The following NFKB1 variants were observed in gnomAD, a reference collection of about 807,000 sequenced individuals.
The protein encoded by NFKB1 is nuclear factor NF-kappa-B p105 subunit.
NFKB1 carries 9 observed loss-of-function variants against 105.1 expected under a neutral mutation model. That is an observed-to-expected ratio of 0.09 (90% confidence interval 0.05 to 0.15). The LOEUF is 0.15. Ranked by LOEUF, NFKB1 falls within the 10% of genes least tolerant of loss-of-function variation. NFKB1 has a pLI of 1.00. For synonymous variants in NFKB1, 440 were observed against 442.2 expected (o/e 1.00, Z 0.06); for missense variants, 830 against 1,203.7 (o/e 0.69, Z 4.59).
intron 11 of NFKB1, among the ~76,000 whole-genome samples, chr4:102,585,048 ATT>A (rs78130855): frequency 5.6e-5 from 8 of 143,580 alleles, no homozygotes; most frequent in Admixed American, 7.0e-5. Context: ...TGCCGGGCTA[ATT>A]TTTTTTTTTT....
intron 1 of NFKB1, chr4:102,502,172 G>A (rs1422436028): frequency 1.3e-5 from 2 of 152,572 alleles, no homozygotes; most frequent in African/African-American, 4.8e-5. Context: ...AGAGAGGGAA[G>A]GTGGTTGGTG....
intron 5 of NFKB1, among the ~76,000 whole-genome samples, chr4:102,553,993 T>G (rs1722803763): frequency 6.6e-6 from 1 of 152,232 alleles, no homozygotes; most frequent in Non-Finnish European, 1.5e-5. Flanking sequence ...TAAGGTTCTT[T>G]CCAACTCAGA....
At chr4:102,538,853 G>A (rs1056170534) in intron 5 of NFKB1, among the ~76,000 whole-genome samples, 1 of 152,040 alleles carries the variant, frequency 6.6e-6, no homozygotes, top group Non-Finnish European at 1.5e-5. Flanking sequence ...TGCCCCTCAG[G>A]GTGTAACATA....
chr4:102,528,594 GTC>G (rs1741080428), intron 2 of NFKB1, among the ~76,000 whole-genome samples: 1 of 152,090 alleles, frequency 6.6e-6, no homozygotes, highest in Non-Finnish European at 1.5e-5. Flanking sequence ...ACACTTACTA[GTC>G]TCTCATAAAA....
chr4:102,591,206 CA>C (rs1292742167), intron 11 of NFKB1, among the ~76,000 whole-genome samples: 4 of 152,116 alleles, frequency 2.6e-5, no homozygotes, highest in African/African-American at 9.7e-5. Context: ...TTTCAGTGTA[CA>C]AGAAACAACC....
At chr4:102,613,400 C>G in intron 22 of NFKB1, 25 bp from the exon 23 acceptor site, 1 of 1,609,732 alleles carries the variant, frequency 6.2e-7, no homozygotes, top group Non-Finnish European at 8.5e-7. Context: ...CAAGAACATG[C>G]TCCTCCTTCC....
intron 5 of NFKB1, among the ~76,000 whole-genome samples, chr4:102,558,535 T>C (rs1578760304): frequency 6.6e-6 from 1 of 152,350 alleles, no homozygotes; most frequent in South Asian, 2.1e-4. Flanking sequence ...AATAACATTT[T>C]ATCCTGTCTT....
intron 5 of NFKB1, among the ~76,000 whole-genome samples, 183 bp downstream of exon 5, chr4:102,538,139 TTTG>T (rs1310485867): frequency 6.6e-6 from 1 of 152,224 alleles, no homozygotes; most frequent in Non-Finnish European, 1.5e-5. Context: ...ATACTAAAAC[TTTG>T]TTAACATTTC....
intron 3 of NFKB1, among the ~76,000 whole-genome samples, chr4:102,533,467 G>T (rs917650586): frequency 3.9e-5 from 6 of 152,160 alleles, no homozygotes; most frequent in African/African-American, 9.7e-5. Context: ...ATGTCATAGT[G>T]CCCAGAAGTG....
chr4:102,566,622 C>A (rs905506427), intron 5 of NFKB1, among the ~76,000 whole-genome samples: 2 of 152,156 alleles, frequency 1.3e-5, no homozygotes, highest in African/African-American at 4.8e-5. Flanking sequence ...GCTTTTGTGA[C>A]CAAGAATTTT....
At chr4:102,530,011 C>G (rs1741183410) in intron 3 of NFKB1, 97 bp downstream of exon 3, 2 of 792,900 alleles carry the variant, frequency 2.5e-6, no homozygotes, top group Non-Finnish European at 4.1e-6. Context: ...CAGTTGTGTA[C>G]CTAGAAAGGA....
At chr4:102,524,902 G>A (rs1232367134) in intron 1 of NFKB1, among the ~76,000 whole-genome samples, 3 of 152,226 alleles carry the variant, frequency 2.0e-5, no homozygotes, top group African/African-American at 7.2e-5. Flanking sequence ...TGTATATACA[G>A]ATGAAGCTTG....
At chr4:102,560,792 T>A (rs1723361972) in intron 5 of NFKB1, among the ~76,000 whole-genome samples, 2 of 152,178 alleles carry the variant, frequency 1.3e-5, no homozygotes, top group Admixed American at 1.3e-4. Context: ...CAACTCTGCC[T>A]CCCTCACAGG....
intron 23 of NFKB1, 114 bp from the exon 24 acceptor site, chr4:102,616,320 T>C: frequency 9.2e-7 from 1 of 1,086,474 alleles, no homozygotes; most frequent in Non-Finnish European, 1.4e-6. Flanking sequence ...GAGGGTGGCA[T>C]AGGTGGGATG....
intron 5 of NFKB1, among the ~76,000 whole-genome samples, chr4:102,551,361 T>TGC (rs1198296413): frequency 5.3e-5 from 4 of 75,366 alleles, no homozygotes; most frequent in Admixed American, 2.1e-4. Context: ...TGTGTGTGTG[T>TGC]GTGTGTGCGC....
intron 6 of NFKB1, among the ~76,000 whole-genome samples, chr4:102,575,731 CT>C (rs1724766511): frequency 6.6e-6 from 1 of 152,180 alleles, no homozygotes; most frequent in Non-Finnish European, 1.5e-5. Flanking sequence ...CCTCTCCCTA[CT>C]TTAAAATGTT....
Position 102,610,715 on chromosome 4 carries a change from T to C in NFKB1, c.2352+16T>C, listed in dbSNP as rs762067012. 6.2e-7 allele frequency: 1 copy of C among 1,612,738 alleles called. No homozygotes were observed. The highest frequency in any genetic ancestry group is 1.7e-5 in the Admixed American group (1 of 60,002). ...CAGCTGGCAGGTGAGTGCCGCTCCA[T>C]CTGTCTGATGGCTGCCCCTGAGGGA... On this transcript the variant is annotated intron_variant, in intron 20 of 23. Transcript: ENST00000226574.
chr4:102,577,564 AT>A (rs927534721), intron 7 of NFKB1: 5 of 151,294 alleles, frequency 3.3e-5, no homozygotes, highest in African/African-American at 7.3e-5. Context: ...CTTTTCTCAA[AT>A]TTTTTTTTCA....
At chr4:102,565,487 A>G (rs1723789647) in intron 5 of NFKB1, among the ~76,000 whole-genome samples, 1 of 152,162 alleles carries the variant, frequency 6.6e-6, no homozygotes, top group Admixed American at 6.5e-5. Flanking sequence ...TACTAAGAAA[A>G]TTGTACCAAA....
Sources: gnomAD v4.1 joint callset for allele counts (sites outside exome capture counted in the v4.1 genomes callset) on GRCh38, gnomAD v4.1.1 for gene constraint, MANE v1.5 for transcripts, NCBI Gene and HGNC (gene_info 2026-07-23, HGNC 2026-07-21) for gene names.